MET: variants seen among roughly 807,000 people sequenced by gnomAD.
The protein encoded by MET is hepatocyte growth factor receptor.
MET carries 48 observed loss-of-function variants against 133.1 expected under a neutral mutation model. That is an observed-to-expected ratio of 0.36 (90% CI 0.29 to 0.46). The LOEUF is 0.46. MET is among the 20% of genes least tolerant of loss of function. MET has a pLI of 1.00. For missense variants in MET, 1,442 were observed against 1,695.9 expected (o/e 0.85, Z 2.63); for synonymous variants, 628 against 616.5 (o/e 1.02, Z -0.28).
At chr7:116,756,522 A>T (rs181781631) in intron 6 of MET, among the ~76,000 whole-genome samples, 4 of 152,208 alleles carry the variant, frequency 2.6e-5, no homozygotes, top group Non-Finnish European at 5.9e-5. Flanking sequence ...CAAAACTCTT[A>T]ATCATTGCAT....
chr7:116,726,686 A>G (rs1441143099), intron 2 of MET, among the ~76,000 whole-genome samples: 2 of 152,186 alleles, frequency 1.3e-5, no homozygotes, highest in Non-Finnish European at 1.5e-5. Context: ...GATTCATTGG[A>G]TGTCCTAGAT....
rs190373292 is a variant in MET, at chr7:116,782,231, G to C, written c.3632+134G>C. The C allele has an allele frequency of 2.6e-5, 19 of 722,884 alleles. No individual in the cohort carries two copies. The Admixed American group carries it at 3.2e-4, about 12-fold the overall frequency. The allele number at this position is 722,884 out of a possible 1,614,324, so 44.8% of individuals were successfully genotyped here. A position where few individuals can be genotyped will look rare whatever the true frequency, so the allele number is the denominator to read the frequency against. ...TTTATTTCTGTTACAATCTTAAATC[G>C]ATGTGTAAGCCCTGGGGATGTGGGT... On this transcript the variant is annotated intron_variant, in intron 18 of 20. Coordinates refer to ENST00000397752, the MANE Select transcript of MET (RefSeq NM_000245.4).
intron 5 of MET, among the ~76,000 whole-genome samples, chr7:116,752,632 C>A (rs895331717): frequency 6.6e-6 from 1 of 152,196 alleles, no homozygotes; most frequent in East Asian, 1.9e-4. Flanking sequence ...CTAAGCAGAG[C>A]GAGCCTCTTG....
In MET at chr7:116,699,369, T is replaced by C. The variant is rs2116584893; in HGVS notation, c.285T>C (p.Cys95=). ...KTGPVLEHPD[C]FPCQDCSSKA... ...GGCCTGTGCTGGAACACCCAGATTG[T>C]TTCCCATGTCAGGACTGCAGCAGCA... is the stretch of plus-strand genomic sequence containing the variant. Residue 95 remains cysteine (C), a synonymous_variant, in exon 2 of 21, where the codon TGT becomes TGC. Transcript: ENST00000397752. 1 of 1,614,072 alleles carries C rather than the reference T, an allele frequency of 6.2e-7. No individual in the cohort carries two copies. Among genetic ancestry groups the C allele is most frequent in the Admixed American group, 1.7e-5 (1 of 60,000 alleles).
chr7:116,713,476 C>CA (rs1792081249), intron 2 of MET, among the ~76,000 whole-genome samples: 2 of 151,868 alleles, frequency 1.3e-5, no homozygotes, highest in Non-Finnish European at 2.9e-5. Context: ...GGATCGTAAT[C>CA]CCAGTGGCAA....
intron 5 of MET, among the ~76,000 whole-genome samples, chr7:116,754,932 A>AG (rs1491328304): frequency 2.4e-4 from 35 of 145,658 alleles, no homozygotes; most frequent in South Asian, 8.8e-4. Context: ...AGAAAGAAAG[A>AG]AAGAAAGAAA....
chr7:116,740,405 A>G (rs957908824), intron 4 of MET, among the ~76,000 whole-genome samples: 2 of 152,228 alleles, frequency 1.3e-5, no homozygotes, highest in African/African-American at 2.4e-5. Context: ...GGAAATGTAC[A>G]TTGGAATCCG....
intron 2 of MET, among the ~76,000 whole-genome samples, chr7:116,716,077 C>T (rs909607387): frequency 1.3e-5 from 2 of 152,086 alleles, no homozygotes; most frequent in Admixed American, 1.3e-4. Flanking sequence ...ATGGCAAAAT[C>T]CCATCTCTAC....
intron 2 of MET, among the ~76,000 whole-genome samples, chr7:116,723,212 C>T (rs1792573252): frequency 6.8e-6 from 1 of 147,292 alleles, no homozygotes; most frequent in Middle Eastern, 3.4e-3. Context: ...AACTTCCCTT[C>T]TCTCTTCATT....
chr7:116,782,158 C>A (rs1795177119), intron 18 of MET, 61 bp downstream of exon 18: 7 of 1,162,676 alleles, frequency 6.0e-6, no homozygotes, highest in Non-Finnish European at 9.0e-6. Flanking sequence ...ATCTGTTTCC[C>A]ACTGTTCAAT....
intron 1 of MET, among the ~76,000 whole-genome samples, chr7:116,690,144 G>A (rs1478014787): frequency 6.6e-6 from 1 of 152,108 alleles, no homozygotes; most frequent in Non-Finnish European, 1.5e-5. Context: ...TTTTTTATGA[G>A]GGCAGGCAAA....
At chr7:116,768,792 C>T (rs1269659047) in intron 11 of MET, among the ~76,000 whole-genome samples, 1 of 152,180 alleles carries the variant, frequency 6.6e-6, no homozygotes, top group Admixed American at 6.5e-5. Context: ...TAACTGTACT[C>T]ATTAAGTCTT....
At chr7:116,776,502 A>T (rs185144153) in intron 15 of MET, among the ~76,000 whole-genome samples, 1 of 152,322 alleles carries the variant, frequency 6.6e-6, no homozygotes, top group East Asian at 1.9e-4. Context: ...TCTCTTTTGA[A>T]GTTATAATCA....
At position 116,797,497 on chromosome 7, in the gene MET, A is replaced by C. The variant is rs1795713112; in HGVS notation, c.*1373A>C. 1 of 229,668 alleles carries C rather than the reference A, an allele frequency of 4.4e-6. No homozygotes were observed. The highest frequency in any genetic ancestry group is 8.6e-6 in the Non-Finnish European group (1 of 115,692). The allele number at this position is 229,668 out of a possible 1,614,324, so 14.2% of individuals were successfully genotyped here. On this transcript the variant is annotated 3_prime_UTR_variant, in exon 21 of 21. Transcript: ENST00000397752. Reference sequence around the variant, plus strand: ...AATCCCAGCTATTTCACCTAGATGGAATAGCCACCCTGAGCAGAACTTTGT... The same window carrying C: ...AATCCCAGCTATTTCACCTAGATGGCATAGCCACCCTGAGCAGAACTTTGT...
intron 19 of MET, among the ~76,000 whole-genome samples, chr7:116,792,456 G>GACACACACACACACAC (rs56212730): frequency 4.2e-4 from 34 of 80,736 alleles, no homozygotes; most frequent in South Asian, 4.0e-3. Context: ...TCAACCGACA[G>GACACACACACACACAC]ACACACACAC....
At chr7:116,735,142 C>T (rs763921739) in intron 3 of MET, among the ~76,000 whole-genome samples, 1 of 152,180 alleles carries the variant, frequency 6.6e-6, no homozygotes, top group South Asian at 2.1e-4. Flanking sequence ...ACTGTGCCTG[C>T]TCCCAATGGC....
chr7:116,720,048 G>T (rs1380636538), intron 2 of MET, among the ~76,000 whole-genome samples: 1 of 152,148 alleles, frequency 6.6e-6, no homozygotes, highest in East Asian at 1.9e-4. Context: ...TAGCTTTATG[G>T]GGATGGCATT....
chr7:116,778,605 C>T (rs768873133), intron 16 of MET, among the ~76,000 whole-genome samples, 171 bp from the exon 17 acceptor site: 5 of 152,142 alleles, frequency 3.3e-5, no homozygotes, highest in Non-Finnish European at 5.9e-5. Context: ...GCACAGTGCA[C>T]GGTGGCATCA....
chr7:116,746,437 C>A, intron 5 of MET, among the ~76,000 whole-genome samples: 1 of 152,132 alleles, frequency 6.6e-6, no homozygotes, highest in South Asian at 2.1e-4. Flanking sequence ...TGGGTATATA[C>A]CCAAAGGATT....
Sources: allele counts gnomAD v4.1 joint callset (sites outside exome capture counted in the v4.1 genomes callset), GRCh38; gene constraint gnomAD v4.1.1; transcripts MANE v1.5; gene names NCBI Gene and HGNC (gene_info 2026-07-23, HGNC 2026-07-21).